Variants in CEP55 observed in about 807,000 individuals in gnomAD.
CEP55 encodes the protein centrosomal protein of 55 kDa.
A neutral mutation model predicts 63.2 loss-of-function variants in CEP55; 57 were observed. That is an observed-to-expected ratio of 0.90 (90% CI 0.73 to 1.13). CEP55 has a LOEUF of 1.13. Among genes scored for constraint, CEP55 ranks in the 50% most tolerant of loss-of-function variants. CEP55 has a pLI of 0.00. For missense variants in CEP55, 456 were observed against 518.9 expected (o/e 0.88, Z 1.18); for synonymous variants, 178 against 191.6 (o/e 0.93, Z 0.59).
intron 1 of CEP55, among the ~76,000 whole-genome samples, chr10:93,497,274 C>A (rs1300462554): frequency 6.6e-6 from 1 of 151,226 alleles, no homozygotes; most frequent in Non-Finnish European, 1.5e-5. Flanking sequence ...TTTCTTTTTT[C>A]TTTTTTTTTG....
intron 1 of CEP55, among the ~76,000 whole-genome samples, chr10:93,498,471 C>T (rs1039742271): frequency 6.6e-6 from 1 of 152,148 alleles, no homozygotes. Flanking sequence ...GACTGAGAGA[C>T]GCCATAACCT....
intron 4 of CEP55, among the ~76,000 whole-genome samples, chr10:93,511,459 A>G (rs1205844061): frequency 6.6e-6 from 1 of 152,222 alleles, no homozygotes; most frequent in Non-Finnish European, 1.5e-5. Flanking sequence ...CGATGCACAC[A>G]GTGAGAAGAG....
chr10:93,525,575 G>C (rs2057912975), intron 8 of CEP55, among the ~76,000 whole-genome samples: 1 of 151,844 alleles, frequency 6.6e-6, no homozygotes, highest in African/African-American at 2.4e-5. Flanking sequence ...TCACAGAATT[G>C]GAAAAAACTA....
intron 1 of CEP55, among the ~76,000 whole-genome samples, chr10:93,498,281 T>A (rs999510486): frequency 6.6e-6 from 1 of 152,186 alleles, no homozygotes; most frequent in Non-Finnish European, 1.5e-5. Flanking sequence ...TGCCAGAGTT[T>A]CTGTGCAAAG....
chr10:93,500,283 T>A lies in CEP55; in HGVS notation c.183+49T>A, dbSNP rs373082979. The A allele has an allele frequency of 2.8e-6, 4 of 1,444,696 alleles. No individual in the cohort carries two copies. The African/African-American group carries it at 5.8e-5, about 21-fold the overall frequency. 89.5% of individuals were successfully genotyped at this position (1,444,696 alleles called of 1,614,324 possible). A position where few individuals can be genotyped will look rare whatever the true frequency, so the allele number is the denominator to read the frequency against. On this transcript the variant is annotated intron_variant, in intron 2 of 8. Transcript: ENST00000371485. ...AATTGTAAGCTCTCCAAGAAAGCGATGCATGAAGATTTCCTGATGCTACCT... is the reference window on the plus strand; with the variant it reads ...AATTGTAAGCTCTCCAAGAAAGCGAAGCATGAAGATTTCCTGATGCTACCT...
chr10:93,506,911 G>C, intron 3 of CEP55, 77 bp from the exon 4 acceptor site: 2 of 930,842 alleles, frequency 2.1e-6, no homozygotes, highest in Non-Finnish European at 3.6e-6. Context: ...GAGTTATACT[G>C]TATTATTATG....
Position 93,507,038 on chromosome 10 carries a change from GGA to G in CEP55, c.511_512del (p.Glu171AsnfsTer17). The G allele has an allele frequency of 6.4e-7, 1 of 1,573,886 alleles. No individual in the cohort carries two copies. Among genetic ancestry groups the G allele is most frequent in the Non-Finnish European group, 8.7e-7 (1 of 1,144,618 alleles). ...CATCAATAAATAATATTCATGAAAT[GGA>G]AATACAGCTGAAAGATGTAAGTTCA... ...NSSINNIHEM[E>X]IQLKDALEKN... On this transcript the variant is annotated frameshift_variant, in exon 4 of 9. Transcript: ENST00000371485. LOFTEE classifies it high-confidence loss of function.
intron 8 of CEP55, among the ~76,000 whole-genome samples, chr10:93,522,267 A>C (rs190806116): frequency 2.9e-4 from 44 of 152,376 alleles, no homozygotes; most frequent in African/African-American, 1.1e-3. Flanking sequence ...TGAAAATCAC[A>C]GCACGAGAAC....
chr10:93,503,252 C>G lies in CEP55; in HGVS notation c.323C>G (p.Thr108Arg). Residue 108 changes from threonine to arginine, a missense_variant, in exon 3 of 9, where the codon ACG (threonine) becomes AGG (arginine). Coordinates refer to ENST00000371485, the MANE Select transcript of CEP55 (RefSeq NM_018131.5). ...TTLLEQLEET[T>R]REGERREQVL... is the part of the protein sequence containing the mutation. ...TTGCTTGAACAGCTGGAAGAGACAACGAGAGAAGGAGAAAGGAGGGAGCAG... is the reference window on the plus strand; with the variant it reads ...TTGCTTGAACAGCTGGAAGAGACAAGGAGAGAAGGAGAAAGGAGGGAGCAG... 1 of 1,613,944 alleles carries G rather than the reference C, an allele frequency of 6.2e-7. No homozygotes were observed. Among genetic ancestry groups the G allele is most frequent in the Non-Finnish European group, 8.5e-7 (1 of 1,179,964 alleles).
At chr10:93,500,761 CTTT>C (rs72218522) in intron 2 of CEP55, among the ~76,000 whole-genome samples, 2 of 143,180 alleles carry the variant, frequency 1.4e-5, no homozygotes, top group Non-Finnish European at 1.5e-5. Flanking sequence ...ATTTTCCATA[CTTT>C]TTTTTTTTTT....
At chr10:93,516,807 C>T (rs1589655113) in intron 5 of CEP55, 128 bp from the exon 6 acceptor site, 1 of 653,598 alleles carries the variant, frequency 1.5e-6, no homozygotes, top group Non-Finnish European at 2.5e-6. Context: ...ACCATAGTCC[C>T]TATCTCTTGA....
intron 8 of CEP55, among the ~76,000 whole-genome samples, chr10:93,525,959 T>C (rs1366245160): frequency 1.3e-5 from 2 of 152,198 alleles, no homozygotes; most frequent in African/African-American, 4.8e-5. Context: ...AAGATTTACA[T>C]GTTAGACCTA....
intron 4 of CEP55, among the ~76,000 whole-genome samples, chr10:93,513,952 T>C (rs1365975386): frequency 1.3e-4 from 17 of 132,758 alleles, no homozygotes; most frequent in African/African-American, 3.2e-4. Context: ...CCCCTCCCCT[T>C]TTTTTTTTTT....
intron 4 of CEP55, among the ~76,000 whole-genome samples, chr10:93,511,191 A>C (rs1446136246): frequency 6.6e-6 from 1 of 151,874 alleles, no homozygotes; most frequent in Non-Finnish European, 1.5e-5. Flanking sequence ...TGCCTGCCTC[A>C]GCCTCCCAAA....
intron 3 of CEP55, among the ~76,000 whole-genome samples, chr10:93,505,850 A>C (rs2057683152): frequency 9.4e-6 from 1 of 106,800 alleles, no homozygotes; most frequent in Non-Finnish European, 2.4e-5. Context: ...AATAATTAAT[A>C]CTTTTTTTTT....
intron 4 of CEP55, among the ~76,000 whole-genome samples, chr10:93,513,765 T>C (rs1212873772): frequency 5.3e-5 from 8 of 152,192 alleles, no homozygotes; most frequent in Admixed American, 3.9e-4. Context: ...GCAAGTCCTC[T>C]GGTGTGAAAT....
chr10:93,518,304 C>T (rs1327649674), intron 6 of CEP55, among the ~76,000 whole-genome samples: 1 of 152,072 alleles, frequency 6.6e-6, no homozygotes, highest in Non-Finnish European at 1.5e-5. Flanking sequence ...TGCCCACCAC[C>T]ACGGCTGGCC....
In CEP55 at chr10:93,527,971, A is replaced by G. The variant is rs1165645509; in HGVS notation, c.1213A>G (p.Ile405Val). The change falls in exon 9 of 9, where the codon ATC becomes GTC. Residue 405 changes from isoleucine (I) to valine (V), a missense_variant. Ile to Val is a conservative substitution (Grantham distance 29). Transcript: ENST00000371485. ...ESLKQLHEFAITEPLVTFQGE... is the reference protein window; with the variant it reads ...ESLKQLHEFAVTEPLVTFQGE... ...TCAGAAACAGCTTCATGAGTTTGCCATCACAGAGCCATTAGTCACTTTCCA... is the reference window on the plus strand; with the variant it reads ...TCAGAAACAGCTTCATGAGTTTGCCGTCACAGAGCCATTAGTCACTTTCCA... 1 of 1,613,834 alleles carries G rather than the reference A, an allele frequency of 6.2e-7. No individual in the cohort carries two copies. Among genetic ancestry groups the G allele is most frequent in the Non-Finnish European group, 8.5e-7 (1 of 1,179,964 alleles).
intron 2 of CEP55, 26 bp downstream of exon 2, chr10:93,500,260 T>A: frequency 6.4e-7 from 1 of 1,564,884 alleles, no homozygotes; most frequent in Non-Finnish European, 8.7e-7. Context: ...ATCCTTTAAA[T>A]TGTAAGCTCT....
Sources: gnomAD v4.1 joint callset for allele counts (sites outside exome capture counted in the v4.1 genomes callset) on GRCh38, gnomAD v4.1.1 for gene constraint, MANE v1.5 for transcripts, NCBI Gene and HGNC (gene_info 2026-07-23, HGNC 2026-07-21) for gene names.